The following C5orf34 variants were observed in gnomAD, a reference collection of about 807,000 sequenced individuals.
C5orf34 encodes uncharacterized protein C5orf34.
A neutral mutation model predicts 78.4 loss-of-function variants in C5orf34; 73 were observed. The ratio of observed to expected loss-of-function variants is 0.93; its 90% CI spans 0.77 to 1.13. The LOEUF is 1.13. Among genes scored for constraint, C5orf34 ranks in the 50% most tolerant of loss-of-function variants. The pLI is 0.00. For missense variants in C5orf34, 730 were observed against 732.7 expected (o/e 1.00, Z 0.04); for synonymous variants, 251 against 246.6 (o/e 1.02, Z -0.17).
At chr5:43,499,945 G>A (rs918306198) in intron 6 of C5orf34, among the ~76,000 whole-genome samples, 13 of 152,094 alleles carry the variant, frequency 8.5e-5, no homozygotes, top group Admixed American at 3.9e-4. Context: ...ACCCTTGGCC[G>A]TGCTTCTTTG....
chr5:43,499,805 A>T (rs1745683547), intron 6 of C5orf34, among the ~76,000 whole-genome samples: 1 of 152,208 alleles, frequency 6.6e-6, no homozygotes, highest in Non-Finnish European at 1.5e-5. Flanking sequence ...CATCTACCTC[A>T]TTCTTTTCAA....
At chr5:43,487,517 A>T (rs890132062) in intron 12 of C5orf34, among the ~76,000 whole-genome samples, 1 of 152,154 alleles carries the variant, frequency 6.6e-6, no homozygotes, top group South Asian at 2.1e-4. Flanking sequence ...AACTTATTTG[A>T]ATAAGATTAG....
chr5:43,505,749 T>C lies in C5orf34; in HGVS notation c.931A>G (p.Arg311Gly). 6.4e-7 allele frequency: 1 copy of C among 1,550,442 alleles called. No individual in the cohort carries two copies. The highest frequency in any genetic ancestry group is 8.7e-7 in the Non-Finnish European group (1 of 1,149,856). The change falls in exon 4 of 13, where the codon AGG becomes GGG. Residue 311 changes from arginine to glycine, a missense_variant and splice_region_variant. By Grantham distance (125) the Arg-to-Gly change is moderately radical. Coordinates refer to ENST00000306862, the MANE Select transcript of C5orf34 (RefSeq NM_198566.4). ...SLSCPVPHLH[R>G]WNFCDSLLQR... ...GACCAATAGCCATTACTGCATTACCTGTGTAGGTGTGGGACTGGACAGCTG... is the reference window on the plus strand; with the variant it reads ...GACCAATAGCCATTACTGCATTACCCGTGTAGGTGTGGGACTGGACAGCTG...
intron 11 of C5orf34, among the ~76,000 whole-genome samples, chr5:43,489,542 G>A (rs1004268204): frequency 3.3e-5 from 5 of 152,034 alleles, no homozygotes; most frequent in Non-Finnish European, 7.4e-5. Context: ...GCTAAGCAAT[G>A]GTGAAGTGAT....
At chr5:43,489,296 A>C (rs1745180982) in intron 11 of C5orf34, among the ~76,000 whole-genome samples, 1 of 152,108 alleles carries the variant, frequency 6.6e-6, no homozygotes, top group Non-Finnish European at 1.5e-5. Context: ...TTTATTGTAC[A>C]ATCTTGTTTC....
At chr5:43,509,590 A>G (rs968104089) in intron 1 of C5orf34, among the ~76,000 whole-genome samples, 1 of 152,206 alleles carries the variant, frequency 6.6e-6, no homozygotes, top group Admixed American at 6.5e-5. Flanking sequence ...GAACATAACC[A>G]AGAAGAGACA....
chr5:43,495,626 A>T, intron 6 of C5orf34: 1 of 1,602,596 alleles, frequency 6.2e-7, no homozygotes, highest in Non-Finnish European at 8.6e-7. Context: ...AGCAAAGGTG[A>T]CCACCACACC....
At chr5:43,491,521 C>T (rs149051237) in intron 10 of C5orf34, among the ~76,000 whole-genome samples, 8 of 152,196 alleles carry the variant, frequency 5.3e-5, no homozygotes, top group Non-Finnish European at 8.8e-5. Flanking sequence ...ATAATCATTG[C>T]GTAATTTTAT....
In C5orf34 at chr5:43,505,749, T is replaced by A. The variant is rs1373387748; in HGVS notation, c.931A>T (p.Arg311Trp). ...SLSCPVPHLH[R>W]WNFCDSLLQR... ...GACCAATAGCCATTACTGCATTACC[T>A]GTGTAGGTGTGGGACTGGACAGCTG... is the stretch of plus-strand genomic sequence containing the variant. Residue 311 changes from arginine to tryptophan, a missense_variant and splice_region_variant, in exon 4 of 13, where the codon AGG (arginine) becomes TGG (tryptophan). Physicochemically the swap from Arg to Trp is moderately radical, Grantham distance 101 (BLOSUM62 -3). Transcript: ENST00000306862. 6.5e-7 allele frequency: 1 copy of A among 1,550,326 alleles called. No individual in the cohort carries two copies. The highest frequency in any genetic ancestry group is 1.4e-5 in the African/African-American group (1 of 72,622).
Position 43,505,789 on chromosome 5 carries a change from G to A in C5orf34, c.891C>T (p.Pro297=). 1.9e-6 allele frequency: 3 copies of A among 1,602,430 alleles called. No homozygotes were observed. The highest frequency in any genetic ancestry group is 1.7e-6 in the Non-Finnish European group (2 of 1,173,764). The change falls in exon 4 of 13, where the codon CCC becomes CCT. Residue 297 remains proline (P), a synonymous_variant. Transcript: ENST00000306862. The part of the protein sequence containing the change: ...EERGKVVSVL[P]RALSLSCPVP... ...CTGGACAGCTGAGTGACAGGGCCCT[G>A]GGAAGAACAGAAACCACTTTTCCTC...
chr5:43,495,010 C>T (rs2086610821), intron 6 of C5orf34: 3 of 1,291,536 alleles, frequency 2.3e-6, no homozygotes, highest in South Asian at 1.2e-5. Flanking sequence ...TTGAAACAAA[C>T]AGTTCTGAGA....
intron 6 of C5orf34, among the ~76,000 whole-genome samples, chr5:43,498,954 C>T (rs768448402): frequency 2.7e-4 from 41 of 152,336 alleles, no homozygotes; most frequent in African/African-American, 8.4e-4. Context: ...ACTCCACACT[C>T]GCCCCAGGCT....
In C5orf34 at chr5:43,494,530, A is replaced by C. The variant is rs1745417943; in HGVS notation, c.1224T>G (p.Ser408=). The change falls in exon 7 of 13, where the codon TCT becomes TCG. Residue 408 remains serine (S), a synonymous_variant. Transcript: ENST00000306862. ...CTTACCTTGTTGCCTGTTTAATTAGAGAACCGACAGTGAATGGACTTCCCG... is the reference window on the plus strand; with the variant it reads ...CTTACCTTGTTGCCTGTTTAATTAGCGAACCGACAGTGAATGGACTTCCCG... ...DRPGSPFTVG[S]LIKQATRILQ... is the part of the protein sequence containing the mutation. 6.2e-7 allele frequency: 1 copy of C among 1,605,738 alleles called. No homozygotes were observed. Among genetic ancestry groups the C allele is most frequent in the Non-Finnish European group, 8.5e-7 (1 of 1,174,476 alleles).
Position 43,486,909 on chromosome 5 carries a change from C to A in C5orf34, c.*6G>T, listed in dbSNP as rs751370528. On this transcript the variant is annotated 3_prime_UTR_variant, in exon 13 of 13. Transcript: ENST00000306862. ...CTTTAATAATATGTTGTAATAATTC[C>A]ATTTTTCACTTTTTAGAGTTTGATA... 2.0e-6 allele frequency: 3 copies of A among 1,483,414 alleles called. No homozygotes were observed. The highest frequency in any genetic ancestry group is 2.8e-5 in the South Asian group (2 of 71,228). The allele number at this position is 1,483,414 out of a possible 1,614,324, so 91.9% of individuals were successfully genotyped here.
intron 3 of C5orf34, among the ~76,000 whole-genome samples, chr5:43,506,959 G>C (rs1443590133): frequency 6.6e-6 from 1 of 152,074 alleles, no homozygotes; most frequent in Non-Finnish European, 1.5e-5. Context: ...CAGAGCAAGA[G>C]GGAAAAGAGA....
rs147477763 is a variant in C5orf34 at position 43,494,691 on chromosome 5, T to C, written c.1153-90A>G. On this transcript the variant is annotated intron_variant, in intron 6 of 12. Coordinates refer to ENST00000306862, the MANE Select transcript of C5orf34 (RefSeq NM_198566.4). ...TTTTCCTTGAAATATGTTTTTACAA[T>C]AGTGACAAGACGAGTAGTTATTTTA... The C allele has an allele frequency of 6.2e-4, 404 of 650,376 alleles. No homozygotes were observed. In the African/African-American group the frequency reaches 6.7e-3, roughly 11 times the overall value. 40.3% of individuals were successfully genotyped at this position (650,376 alleles called of 1,614,324 possible).
At chr5:43,488,391 C>T (rs2112260831) in intron 11 of C5orf34, 1 of 156,824 alleles carries the variant, frequency 6.4e-6, no homozygotes, top group South Asian at 1.9e-4. Context: ...TTTGTAATAT[C>T]TTCTCTTGAA....
chr5:43,492,199 A>C lies in C5orf34; in HGVS notation c.1580+16T>G. ...AGTAAAACATAAAAATAATTTTTAAAATTGCTTTTCAGTACCTTTCATATG... is the reference window on the plus strand; with the variant it reads ...AGTAAAACATAAAAATAATTTTTAACATTGCTTTTCAGTACCTTTCATATG... On this transcript the variant is annotated intron_variant, in intron 10 of 12. Transcript: ENST00000306862. 2 of 1,530,912 alleles carry C rather than the reference A, an allele frequency of 1.3e-6. No homozygotes were observed. The highest frequency in any genetic ancestry group is 1.8e-6 in the Non-Finnish European group (2 of 1,117,668). The allele number at this position is 1,530,912 out of a possible 1,614,324, so 94.8% of individuals were successfully genotyped here.
At chr5:43,510,695 G>A (rs370439304) in intron 1 of C5orf34, among the ~76,000 whole-genome samples, 31 of 151,052 alleles carry the variant, frequency 2.1e-4, no homozygotes, top group Non-Finnish European at 4.2e-4. Flanking sequence ...TGCCAGCCTC[G>A]GCCTCCCGAG....
Sources: gnomAD v4.1 joint callset for allele counts (sites outside exome capture counted in the v4.1 genomes callset) on GRCh38, gnomAD v4.1.1 for gene constraint, MANE v1.5 for transcripts, NCBI Gene and HGNC (gene_info 2026-07-23, HGNC 2026-07-21) for gene names.